The following LAMA3 variants were observed in gnomAD, a reference collection of about 807,000 sequenced individuals.
LAMA3 encodes laminin subunit alpha-3.
LAMA3 carries 281 observed loss-of-function variants against 402.0 expected under a neutral mutation model. That is an observed-to-expected ratio of 0.70 (90% CI 0.63 to 0.77). The LOEUF is 0.77. Among genes scored for constraint, LAMA3 ranks in the 30% least tolerant of loss-of-function variants. The pLI is 0.00. For missense variants in LAMA3, 3,840 were observed against 4,215.5 expected (o/e 0.91, Z 2.47); for synonymous variants, 1,431 against 1,558.4 (o/e 0.92, Z 1.93).
intron 2 of LAMA3, among the ~76,000 whole-genome samples, chr18:23,729,566 A>G (rs1385342447): frequency 6.6e-6 from 1 of 152,218 alleles, no homozygotes; most frequent in Non-Finnish European, 1.5e-5. Flanking sequence ...AGTCTTCGAA[A>G]ACTCTTCAAC....
chr18:23,932,349 A>G (rs2082187585), intron 66 of LAMA3, 58 bp downstream of exon 66: 1 of 1,584,728 alleles, frequency 6.3e-7, no homozygotes, highest in African/African-American at 1.3e-5. Context: ...TGGGAAGGGT[A>G]TCTCTTTGGT....
In LAMA3 at chr18:23,791,640, G is replaced by A. The variant is rs535891228; in HGVS notation, c.1603+7483G>A. Reference sequence around the variant, plus strand: ...TTCCAGCTTCTTGGGAGGCTGAGGTGGGAAAATCGCTTGAATCTGAGAGGC... The same window carrying A: ...TTCCAGCTTCTTGGGAGGCTGAGGTAGGAAAATCGCTTGAATCTGAGAGGC... On this transcript the variant is annotated intron_variant, in intron 12 of 74. Coordinates refer to ENST00000313654, the MANE Select transcript of LAMA3 (RefSeq NM_198129.4). Among the ~76,000 whole-genome samples the A allele has an allele frequency of 4.6e-5, 7 of 151,318 alleles. No individual in the cohort carries two copies. The South Asian group carries it at 1.0e-3, about 23-fold the overall frequency.
At chr18:23,869,122 A>G (rs2064440703) in intron 37 of LAMA3, among the ~76,000 whole-genome samples, 2 of 152,234 alleles carry the variant, frequency 1.3e-5, no homozygotes, top group South Asian at 4.1e-4. Flanking sequence ...TCATAAAAGC[A>G]ATGAGAGAAC....
chr18:23,899,095 T>A (rs1161500854), intron 46 of LAMA3, 30 bp downstream of exon 46: 3 of 1,559,778 alleles, frequency 1.9e-6, no homozygotes, highest in Non-Finnish European at 2.6e-6. Context: ...CCAATTACAT[T>A]TTTTTTGGTT....
At chr18:23,824,717 T>C (rs2063348377) in intron 21 of LAMA3, 152 bp downstream of exon 21, 1 of 814,646 alleles carries the variant, frequency 1.2e-6, no homozygotes, top group Admixed American at 2.0e-5. Context: ...CTAAGGAAAC[T>C]GTGGTGACAT....
At chr18:23,836,165 A>C (rs537913761) in intron 24 of LAMA3, among the ~76,000 whole-genome samples, 1 of 152,114 alleles carries the variant, frequency 6.6e-6, no homozygotes, top group Non-Finnish European at 1.5e-5. Flanking sequence ...GTGAGAAAGA[A>C]AACAACAGTT....
At chr18:23,793,332 G>A (rs554655909) in intron 12 of LAMA3, among the ~76,000 whole-genome samples, 47 of 152,026 alleles carry the variant, frequency 3.1e-4, no homozygotes, top group East Asian at 1.2e-3. Flanking sequence ...GGCTTACCCT[G>A]GGAGGGGCAG....
Position 23,810,465 on chromosome 18 carries a change from GGT to G in LAMA3, c.1706_1707del (p.Cys569SerfsTer6). 6.2e-7 allele frequency: 1 copy of G among 1,614,156 alleles called. No homozygotes were observed. The highest frequency in any genetic ancestry group is 8.5e-7 in the Non-Finnish European group (1 of 1,180,024). ...GGAGTTACAGGACAGCGGTGTGACAGGTGTCTCTCAGGAGCTTATGATTTCCC... is the reference window on the plus strand; with the variant it reads ...GGAGTTACAGGACAGCGGTGTGACAGGTCTCTCAGGAGCTTATGATTTCCC... On this transcript the variant is annotated frameshift_variant, in exon 13 of 75. Transcript: ENST00000313654. LOFTEE classifies it high-confidence loss of function.
rs147923163 is a variant in LAMA3, at chr18:23,704,780, G to A, written c.295-9140G>A. ...TCAAACAAAAACCCCCAGAAACTAC[G>A]TTAGGGAGCACTGCTATAATCATCC... is the stretch of plus-strand genomic sequence containing the variant. On this transcript the variant is annotated intron_variant, in intron 1 of 74. Transcript: ENST00000313654. 4.5e-4 allele frequency among the ~76,000 whole-genome samples: 68 copies of A among 152,314 alleles called. 1 individual carries two copies. The highest frequency in any genetic ancestry group is 2.6e-3 in the Admixed American group (40 of 15,302).
At position 23,946,126 on chromosome 18, in the gene LAMA3, A is replaced by G. The variant is rs2082701822; in HGVS notation, c.9211-18A>G. 2 of 1,612,284 alleles carry G rather than the reference A, an allele frequency of 1.2e-6. No individual in the cohort carries two copies. The highest frequency in any genetic ancestry group is 1.3e-5 in the African/African-American group (1 of 74,886). ...TCAAAGGTAAAAATACAACTCACGT[A>G]TCTTTCTTACTCTGAAGGTGGTGTT... On this transcript the variant is annotated intron_variant, in intron 69 of 74. Coordinates refer to ENST00000313654, the MANE Select transcript of LAMA3 (RefSeq NM_198129.4).
In LAMA3 at chr18:23,861,670, C is replaced by G; in HGVS notation, c.4447C>G (p.Leu1483Val). Residue 1483 changes from leucine to valine, a missense_variant, in exon 35 of 75, where the codon CTG becomes GTG. Physicochemically the swap from Leu to Val is conservative, Grantham distance 32 (BLOSUM62 1). This residue lies in a region of LAMA3 where 2,109 missense variants were observed against 2,376.0 expected (regional missense o/e 0.89). Transcript: ENST00000313654. ...GTTTGTGGATATGCTGGGCTGGCAC[C>G]TGGAGACAGCAGACAGAGTGGACAT... is the stretch of plus-strand genomic sequence containing the variant. ...TKFVDMLGWH[L>V]ETADRVDIPV... The G allele has an allele frequency of 6.2e-7, 1 of 1,614,184 alleles. No homozygotes were observed. The highest frequency in any genetic ancestry group is 8.5e-7 in the Non-Finnish European group (1 of 1,180,046).
At chr18:23,794,715 G>A (rs1435930444) in intron 12 of LAMA3, among the ~76,000 whole-genome samples, 1 of 152,198 alleles carries the variant, frequency 6.6e-6, no homozygotes, top group African/African-American at 2.4e-5. Context: ...AAGGGCCGTG[G>A]GAGTTAGTTG....
At chr18:23,743,761 GCTT>G (rs1476233200) in intron 2 of LAMA3, among the ~76,000 whole-genome samples, 2 of 152,116 alleles carry the variant, frequency 1.3e-5, no homozygotes, top group Admixed American at 1.3e-4. Flanking sequence ...GCTATCTTTA[GCTT>G]ATTACAAAAG....
intron 40 of LAMA3, among the ~76,000 whole-genome samples, chr18:23,882,599 G>A (rs1385845402): frequency 1.4e-5 from 2 of 147,560 alleles, no homozygotes; most frequent in Non-Finnish European, 3.0e-5. Context: ...GAGAGAGCGA[G>A]ACTCCATCTT....
chr18:23,914,941 A>G, intron 58 of LAMA3, 81 bp downstream of exon 58: 2 of 1,147,444 alleles, frequency 1.7e-6, no homozygotes, highest in Non-Finnish European at 2.6e-6. Context: ...TCTAATTGTT[A>G]ATTACATATA....
chr18:23,775,655 G>T, intron 9 of LAMA3, 137 bp from the exon 10 acceptor site: 1 of 962,128 alleles, frequency 1.0e-6, no homozygotes, highest in Non-Finnish European at 1.6e-6. Context: ...TGTGAGGTGG[G>T]AAATAGGCTG....
chr18:23,756,413 C>T (rs910344465), intron 6 of LAMA3, among the ~76,000 whole-genome samples: 14 of 151,614 alleles, frequency 9.2e-5, no homozygotes, highest in African/African-American at 2.7e-4. Flanking sequence ...GCCGCACAAA[C>T]GACGGCATGC....
intron 69 of LAMA3, among the ~76,000 whole-genome samples, chr18:23,945,152 AT>A (rs1361374345): frequency 1.3e-5 from 2 of 152,238 alleles, no homozygotes; most frequent in African/African-American, 2.4e-5. Flanking sequence ...AATAAAAAAA[AT>A]AAAACTCTTA....
At chr18:23,928,897 A>G (rs1311190654) in intron 64 of LAMA3, 132 bp downstream of exon 64, 2 of 875,778 alleles carry the variant, frequency 2.3e-6, no homozygotes, top group African/African-American at 3.3e-5. Flanking sequence ...ATGCTATTGT[A>G]TAGTTCAACC....
Sources: allele counts gnomAD v4.1 joint callset (sites outside exome capture counted in the v4.1 genomes callset), GRCh38; gene constraint gnomAD v4.1.1; regional missense constraint gnomAD v4.1.1; transcripts MANE v1.5; gene names NCBI Gene and HGNC (gene_info 2026-07-23, HGNC 2026-07-21).